Variants in RAB40C observed in about 807,000 individuals in gnomAD.
RAB40C encodes ras-related protein Rab-40C.
A neutral mutation model predicts 28.1 loss-of-function variants in RAB40C; 8 were observed. That is an observed-to-expected ratio of 0.28 (90% CI 0.17 to 0.51). The LOEUF (loss-of-function observed/expected upper bound fraction) is 0.51, where lower values mean the gene tolerates loss of function less well. RAB40C is among the 20% of genes least tolerant of loss of function. The probability of loss-of-function intolerance (pLI) is 0.97; values close to 1 mark genes in which losing one functional copy is unlikely to be tolerated. For missense variants in RAB40C, 288 were observed against 405.9 expected, an observed-to-expected ratio of 0.71 and a Z score of 2.50; for synonymous variants, 201 against 171.7, an observed-to-expected ratio of 1.17 and a Z score of -1.34.
chr16:598,518 G>T (rs970827793), intron 1 of RAB40C, among the ~76,000 whole-genome samples: 1 of 148,082 alleles, frequency 6.8e-6, no homozygotes, highest in African/African-American at 2.5e-5. Context: ...CTGAGATTGT[G>T]CCACTGCACT....
At chr16:596,373 G>A (rs1488834904) in intron 1 of RAB40C, 1 of 455,832 alleles carries the variant, frequency 2.2e-6, no homozygotes, top group Non-Finnish European at 4.4e-6. Flanking sequence ...GCCTACCCTG[G>A]TCTGGAGCCC....
At chr16:608,000 G>T (rs558842114) in intron 1 of RAB40C, among the ~76,000 whole-genome samples, 4 of 152,096 alleles carry the variant, frequency 2.6e-5, no homozygotes, top group Admixed American at 2.0e-4. Flanking sequence ...TGCTGTGCCC[G>T]TCCCCACCTC....
rs545420040 is a variant in RAB40C, at chr16:627,598, G to T, written c.822G>T (p.Ser274=). 1.1e-5 allele frequency: 17 copies of T among 1,595,924 alleles called. No individual in the cohort carries two copies. The highest frequency in any genetic ancestry group is 1.0e-4 in the Admixed American group (6 of 58,552). Residue 274 remains serine (S), a synonymous_variant, in exon 6 of 6, where the codon TCG becomes TCT. Transcript: ENST00000248139. ...CCCAGAGCCCCCCCCAGAACTGCTC[G>T]CGGAGTAACTGCAAGATCTCCTAGC... ...RPPQSPPQNC[S]RSNCKIS
rs553217161 is a variant in RAB40C at position 599,005 on chromosome 16, T to C, written c.142+8572T>C. ...CGCCTGACTTCCTGGTCAGCAACGT[T>C]GTCGGCCACCTGGGCACAGCAGGTA... On this transcript the variant is annotated intron_variant, in intron 1 of 5. Transcript: ENST00000248139. Among the ~76,000 whole-genome samples the C allele has an allele frequency of 7.2e-5, 11 of 152,300 alleles. No individual in the cohort carries two copies. The East Asian group carries it at 2.1e-3, about 29-fold the overall frequency.
chr16:625,663 C>T, intron 4 of RAB40C, 154 bp downstream of exon 4: 1 of 902,432 alleles, frequency 1.1e-6, no homozygotes, highest in Non-Finnish European at 1.7e-6. Context: ...GCATGCTGGT[C>T]ACTGTGCACA....
intron 1 of RAB40C, among the ~76,000 whole-genome samples, chr16:614,380 A>G (rs2036544726): frequency 1.0e-5 from 1 of 97,792 alleles, no homozygotes; most frequent in Non-Finnish European, 2.0e-5. Flanking sequence ...CCTCGTCCCG[A>G]TGGTGAACTG....
intron 5 of RAB40C, among the ~76,000 whole-genome samples, chr16:627,043 C>T (rs887327806): frequency 1.3e-5 from 2 of 152,252 alleles, no homozygotes; most frequent in Non-Finnish European, 2.9e-5. Flanking sequence ...GATCACGCAG[C>T]CCTCACACTG....
At chr16:624,522 C>T (rs2036785698) in intron 3 of RAB40C, 1 of 985,436 alleles carries the variant, frequency 1.0e-6, no homozygotes, top group African/African-American at 1.7e-5. Flanking sequence ...CCTGGGGCTA[C>T]ACTTCAGTCT....
At position 627,781 on chromosome 16, in the gene RAB40C, A is replaced by G. The variant is rs553241288; in HGVS notation, c.*159A>G. The G allele has an allele frequency of 2.2e-6, 2 of 909,418 alleles. No homozygotes were observed. Among genetic ancestry groups the G allele is most frequent in the Admixed American group, 3.4e-5 (1 of 29,188 alleles). The allele number at this position is 909,418 out of a possible 1,614,324, so 56.3% of individuals were successfully genotyped here. ...ACCTGAGCCGGGTGCGAGGAGGAGC[A>G]TGCACGGACCAAGCGCGGCAGGCGG... On this transcript the variant is annotated 3_prime_UTR_variant, in exon 6 of 6. Coordinates refer to ENST00000248139, the MANE Select transcript of RAB40C (RefSeq NM_021168.5).
chr16:591,062 G>A (rs962316034), intron 1 of RAB40C, among the ~76,000 whole-genome samples: 7 of 150,950 alleles, frequency 4.6e-5, no homozygotes, highest in South Asian at 2.1e-4. Context: ...CATAGATCTG[G>A]GGGAAGGCAT....
At chr16:617,370 A>G in intron 2 of RAB40C, 102 bp downstream of exon 2, 1 of 1,416,232 alleles carries the variant, frequency 7.1e-7, no homozygotes, top group Non-Finnish European at 1.0e-6. Context: ...TTTGCATTTC[A>G]CTTGGAAGAG....
intron 3 of RAB40C, chr16:624,044 T>A (rs2036776306): frequency 2.0e-6 from 2 of 985,374 alleles, no homozygotes; most frequent in Non-Finnish European, 1.2e-6. Context: ...ACTGCTGCTG[T>A]CTTCAGCATC....
At chr16:590,501 G>T in intron 1 of RAB40C, 68 bp downstream of exon 1, 2 of 1,411,332 alleles carry the variant, frequency 1.4e-6, no homozygotes, top group Non-Finnish European at 1.8e-6. Flanking sequence ...CACGGAGCTC[G>T]CCCTCGGCCC....
intron 3 of RAB40C, among the ~76,000 whole-genome samples, chr16:618,697 G>A (rs1230398518): frequency 6.6e-6 from 1 of 151,002 alleles, no homozygotes; most frequent in Non-Finnish European, 1.5e-5. Context: ...GTGCACAGGT[G>A]TAGTGGGTGC....
chr16:624,703 A>C, intron 3 of RAB40C: 1 of 985,434 alleles, frequency 1.0e-6, no homozygotes, highest in Non-Finnish European at 1.2e-6. Context: ...ATCTGGTTGC[A>C]GAATTGTAGG....
chr16:602,107 C>G (rs918017902), intron 1 of RAB40C, among the ~76,000 whole-genome samples: 5 of 152,136 alleles, frequency 3.3e-5, no homozygotes, highest in African/African-American at 9.7e-5. Context: ...GCCTGGGCAA[C>G]AGCTCTCAAA....
At chr16:613,084 G>A (rs1432263703) in intron 1 of RAB40C, among the ~76,000 whole-genome samples, 2 of 106,520 alleles carry the variant, frequency 1.9e-5, no homozygotes, top group African/African-American at 3.8e-5. Context: ...AGGGACAGCC[G>A]CCCTGGCCTG....
At chr16:624,667 A>G (rs2036789209) in intron 3 of RAB40C, 4 of 985,450 alleles carry the variant, frequency 4.1e-6, no homozygotes, top group Non-Finnish European at 4.8e-6. Flanking sequence ...GCCTAGGAGT[A>G]GGGTGGATCA....
At chr16:620,526 G>T (rs192608767) in intron 3 of RAB40C, among the ~76,000 whole-genome samples, 102 of 152,358 alleles carry the variant, frequency 6.7e-4, no homozygotes, top group African/African-American at 2.4e-3. Context: ...ATGGGGCGCA[G>T]TTATGTTGGA....
Sources: allele counts gnomAD v4.1 joint callset (sites outside exome capture counted in the v4.1 genomes callset), GRCh38; gene constraint gnomAD v4.1.1; transcripts MANE v1.5; gene names NCBI Gene and HGNC (gene_info 2026-07-23, HGNC 2026-07-21).